Variants in VPS54 observed in about 807,000 individuals in gnomAD.
The protein encoded by VPS54 is VPS54 subunit of GARP complex, also known as vacuolar protein sorting-associated protein 54.
Under a neutral mutation model 121.5 loss-of-function variants are expected in VPS54, and 45 were observed. That is an observed-to-expected ratio of 0.37 (90% CI 0.29 to 0.47). The LOEUF is 0.47. Ranked by LOEUF, VPS54 falls within the 20% of genes least tolerant of loss-of-function variation. The pLI is 0.99. For missense variants in VPS54, 1,090 were observed against 1,131.4 expected (o/e 0.96, Z 0.52); for synonymous variants, 371 against 385.8 (o/e 0.96, Z 0.45).
At chr2:63,959,840 G>C (rs1675671357) in intron 7 of VPS54, among the ~76,000 whole-genome samples, 1 of 152,032 alleles carries the variant, frequency 6.6e-6, no homozygotes, top group South Asian at 2.1e-4. Context: ...GGCCAATATG[G>C]TGAAAACCTG....
chr2:63,996,089 C>G (rs972255013), intron 1 of VPS54, among the ~76,000 whole-genome samples: 10 of 152,100 alleles, frequency 6.6e-5, no homozygotes, highest in African/African-American at 2.4e-4. Context: ...AGAGAACAAG[C>G]CTTCATCACC....
intron 1 of VPS54, among the ~76,000 whole-genome samples, chr2:64,017,080 ACCTCTAATC>A (rs1678737008): frequency 6.7e-6 from 1 of 149,242 alleles, no homozygotes; most frequent in African/African-American, 2.5e-5. Flanking sequence ...GGTGGCTCAC[ACCTCTAATC>A]CCAGCACTCT....
At chr2:63,914,785 T>A (rs1240918738) in intron 16 of VPS54, among the ~76,000 whole-genome samples, 1 of 151,122 alleles carries the variant, frequency 6.6e-6, no homozygotes, top group Non-Finnish European at 1.5e-5. Flanking sequence ...AAAAAAAAAA[T>A]CTATAATGGC....
intron 12 of VPS54, among the ~76,000 whole-genome samples, chr2:63,928,790 G>A (rs770394731): frequency 6.8e-6 from 1 of 147,822 alleles, no homozygotes; most frequent in Non-Finnish European, 1.5e-5. Flanking sequence ...ACACACATAG[G>A]CTCAAAATAA....
chr2:64,005,335 C>T (rs1678091857), intron 1 of VPS54, among the ~76,000 whole-genome samples: 1 of 150,512 alleles, frequency 6.6e-6, no homozygotes, highest in Admixed American at 6.6e-5. Context: ...GATCTCCTGA[C>T]CTTGTGATCC....
intron 11 of VPS54, among the ~76,000 whole-genome samples, chr2:63,937,068 G>T (rs1674488423): frequency 6.6e-6 from 1 of 152,048 alleles, no homozygotes; most frequent in South Asian, 2.1e-4. Context: ...CAGGGAAAAA[G>T]CTTCAGGACA....
chr2:63,988,258 G>C (rs1395479510), intron 1 of VPS54, among the ~76,000 whole-genome samples: 1 of 152,132 alleles, frequency 6.6e-6, no homozygotes, highest in Non-Finnish European at 1.5e-5. Context: ...TGCTTTTTAA[G>C]AATCAATTGA....
In VPS54 at chr2:63,915,072, A is replaced by G. The variant is rs369958880; in HGVS notation, c.2229-785T>C. Reference sequence around the variant, plus strand: ...AGGCTGAGGCAGGAGAATCGTTTGAACCTGGGAGCCGGAGGTTGTGGTGAG... The same window carrying G: ...AGGCTGAGGCAGGAGAATCGTTTGAGCCTGGGAGCCGGAGGTTGTGGTGAG... On this transcript the variant is annotated intron_variant, in intron 16 of 22. Coordinates refer to ENST00000272322, the MANE Select transcript of VPS54 (RefSeq NM_016516.3). Among the ~76,000 whole-genome samples the G allele has an allele frequency of 1.9e-4, 28 of 146,448 alleles. 1 individual carries two copies. The South Asian group carries it at 6.1e-3, about 32-fold the overall frequency.
At chr2:64,008,395 CAG>C (rs1678267015) in intron 1 of VPS54, among the ~76,000 whole-genome samples, 1 of 140,178 alleles carries the variant, frequency 7.1e-6, no homozygotes, top group Non-Finnish European at 1.5e-5. Context: ...GCCTGGGTGA[CAG>C]AGCGCGACTC....
At chr2:63,959,950 G>A (rs982095996) in intron 7 of VPS54, among the ~76,000 whole-genome samples, 2 of 152,108 alleles carry the variant, frequency 1.3e-5, no homozygotes. Flanking sequence ...AACCCGGGAG[G>A]AGGAGGTTGC....
At chr2:63,932,176 A>G (rs1674241299) in intron 12 of VPS54, among the ~76,000 whole-genome samples, 1 of 152,270 alleles carries the variant, frequency 6.6e-6, no homozygotes, top group Non-Finnish European at 1.5e-5. Flanking sequence ...AAAGGATTAT[A>G]AATGATTCTA....
Position 63,899,520 on chromosome 2 carries a change from T to G in VPS54, c.2687A>C (p.Lys896Thr). The change falls in exon 21 of 23, where the codon AAA becomes ACA. Residue 896 changes from lysine (K) to threonine (T), a missense_variant. Lys to Thr is a moderately conservative substitution (Grantham distance 78, BLOSUM62 -1). Around this residue, in one of 2 missense-constraint regions of VPS54, gnomAD observed 289 missense variants for 374.4 expected, o/e 0.77. Transcript: ENST00000272322. ...GAGATCAAATATAGCTTCGTGCATTTTTGTCATTTGCTTACAAATATTCCT... is the reference window on the plus strand; with the variant it reads ...GAGATCAAATATAGCTTCGTGCATTGTTGTCATTTGCTTACAAATATTCCT... ...CFRNICKQMT[K>T]MHEAIFDLLP... 6.2e-7 allele frequency: 1 copy of G among 1,613,940 alleles called. No homozygotes were observed. Among genetic ancestry groups the G allele is most frequent in the Non-Finnish European group, 8.5e-7 (1 of 1,179,966 alleles).
rs147221673 is a variant in VPS54, at chr2:63,941,014, C to T, written c.1398+1451G>A. Among the ~76,000 whole-genome samples the T allele has an allele frequency of 5.2e-3, 785 of 152,242 alleles. 1 individual carries two copies. Among genetic ancestry groups the T allele is most frequent in the Middle Eastern group, 0.044 (13 of 294 alleles). ...AGCTTACACATGTGACTTAGCATTG[C>T]TTCAATGTGAATAAAGGAAAATTAA... On this transcript the variant is annotated intron_variant, in intron 11 of 22. Transcript: ENST00000272322.
intron 7 of VPS54, among the ~76,000 whole-genome samples, chr2:63,956,895 A>G (rs1301593800): frequency 6.6e-6 from 1 of 152,178 alleles, no homozygotes; most frequent in African/African-American, 2.4e-5. Context: ...AGTAAGAGCA[A>G]ATAACGACAC....
intron 7 of VPS54, among the ~76,000 whole-genome samples, chr2:63,951,205 C>CTT (rs1559016406): frequency 8.7e-6 from 1 of 114,406 alleles, no homozygotes; most frequent in African/African-American, 4.4e-5. Context: ...CACAAATTTC[C>CTT]CTTTTTTTTT....
At chr2:63,997,759 C>T (rs1047160393) in intron 1 of VPS54, among the ~76,000 whole-genome samples, 1 of 151,780 alleles carries the variant, frequency 6.6e-6, no homozygotes, top group Non-Finnish European at 1.5e-5. Context: ...CTTGCTCTTG[C>T]TTTTCCCTTT....
chr2:63,974,895 A>T (rs1215392270), intron 3 of VPS54: 1 of 1,355,404 alleles, frequency 7.4e-7, no homozygotes, highest in Non-Finnish European at 9.9e-7. Context: ...ACTTCTTCCT[A>T]ATTTTTATAT....
chr2:64,012,037 A>T (rs551628943), intron 1 of VPS54, among the ~76,000 whole-genome samples: 10 of 152,272 alleles, frequency 6.6e-5, no homozygotes, highest in African/African-American at 2.4e-4. Flanking sequence ...GATTACTATA[A>T]CCTCAAACAA....
chr2:63,961,452 A>G (rs901801941), intron 7 of VPS54, among the ~76,000 whole-genome samples: 2 of 152,208 alleles, frequency 1.3e-5, no homozygotes, highest in African/African-American at 2.4e-5. Context: ...GCAGATATGA[A>G]CTTCTACAAG....
Sources: gnomAD v4.1 joint callset for allele counts (sites outside exome capture counted in the v4.1 genomes callset) on GRCh38, gnomAD v4.1.1 for gene constraint, gnomAD v4.1.1 regional missense constraint, MANE v1.5 for transcripts, NCBI Gene and HGNC (gene_info 2026-07-23, HGNC 2026-07-21) for gene names.